Variants in CHRNA10 observed in about 807,000 individuals in gnomAD.
CHRNA10 encodes cholinergic receptor nicotinic alpha 10 subunit.
Under a neutral mutation model 36.0 loss-of-function variants are expected in CHRNA10, and 31 were observed. The ratio of observed to expected loss-of-function variants is 0.86; its 90% CI spans 0.65 to 1.16. The LOEUF is 1.16. Ranked by LOEUF, CHRNA10 falls within the 50% of genes most tolerant of loss-of-function variation. The probability of loss-of-function intolerance (pLI) is 0.00; values close to 1 mark genes in which losing one functional copy is unlikely to be tolerated. For missense variants in CHRNA10, 648 were observed against 640.9 expected (o/e 1.01, Z -0.12); for synonymous variants, 302 against 287.0 (o/e 1.05, Z -0.53).
Position 3,665,866 on chromosome 11 carries a change from T to C in CHRNA10, c.*241A>G, listed in dbSNP as rs149459290. 4.6e-3 allele frequency: 2,094 copies of C among 457,468 alleles called. 62 individuals carry two copies. In the East Asian group the frequency reaches 0.055, roughly 12 times the overall value. The allele number at this position is 457,468 out of a possible 1,614,324, so 28.3% of individuals were successfully genotyped here. A position where few individuals can be genotyped will look rare whatever the true frequency, so the allele number is the denominator to read the frequency against. On this transcript the variant is annotated 3_prime_UTR_variant, in exon 5 of 5. Coordinates refer to ENST00000250699, the MANE Select transcript of CHRNA10 (RefSeq NM_020402.4). ...CCCTCCAAGACTGTACTCTGTGATC[T>C]TGGCCTTTGTAGAGTTCCTCTTTTT... is the stretch of plus-strand genomic sequence containing the variant.
intron 3 of CHRNA10, chr11:3,668,703 A>G (rs1267630733): frequency 3.3e-5 from 5 of 153,232 alleles, no homozygotes; most frequent in Non-Finnish European, 5.8e-5. Flanking sequence ...CCTCTGCAGA[A>G]CCCAGAGGTA....
At chr11:3,667,177 C>T (rs1365685573) in intron 4 of CHRNA10, 55 bp downstream of exon 4, 13 of 1,479,066 alleles carry the variant, frequency 8.8e-6, no homozygotes, top group Middle Eastern at 4.8e-4. Flanking sequence ...GTCGCGGCCC[C>T]GCCCTGGGGG....
chr11:3,666,565 C>T lies in CHRNA10; in HGVS notation c.896-1G>A, dbSNP rs2077663929. 1 of 1,522,988 alleles carries T rather than the reference C, an allele frequency of 6.6e-7. No homozygotes were observed. The highest frequency in any genetic ancestry group is 2.2e-5 in the Admixed American group (1 of 45,786). 94.3% of individuals were successfully genotyped at this position (1,522,988 alleles called of 1,614,324 possible). On this transcript the variant is annotated splice_acceptor_variant, in intron 4 of 4. Transcript: ENST00000250699. LOFTEE classifies it high-confidence loss of function. ...GTCATAGTGGCCATGTAGTACTTCCCTGCAAGAGAGAGAGAAAGCCAATTG... is the reference window on the plus strand; with the variant it reads ...GTCATAGTGGCCATGTAGTACTTCCTTGCAAGAGAGAGAGAAAGCCAATTG...
chr11:3,668,028 C>G (rs995558326), intron 3 of CHRNA10, among the ~76,000 whole-genome samples: 1 of 152,276 alleles, frequency 6.6e-6, no homozygotes, highest in African/African-American at 2.4e-5. Flanking sequence ...CCAGAGGAAT[C>G]TGGAAACAGA....
Position 3,669,791 on chromosome 11 carries a change from C to T in CHRNA10, c.207+5G>A, listed in dbSNP as rs774482312. The T allele has an allele frequency of 1.4e-5, 22 of 1,614,192 alleles. 1 individual carries two copies. Among genetic ancestry groups the T allele is most frequent in the South Asian group, 3.3e-5 (3 of 91,078 alleles). On this transcript the variant is annotated splice_donor_5th_base_variant and intron_variant, in intron 2 of 4. Transcript: ENST00000250699. ...CTCCACAGCTGTACCACCACCACAA[C>T]GCACCATGTCGATGATCTGGGACAG...
intron 2 of CHRNA10, 126 bp from the exon 3 acceptor site, chr11:3,669,476 C>T (rs2077696354): frequency 8.4e-7 from 1 of 1,185,876 alleles, no homozygotes; most frequent in African/African-American, 1.5e-5. Context: ...CGTCCAGTTC[C>T]CACCCAGACC....
chr11:3,669,081 C>T, intron 3 of CHRNA10, 115 bp downstream of exon 3: 1 of 1,227,618 alleles, frequency 8.1e-7, no homozygotes, highest in South Asian at 1.5e-5. Flanking sequence ...GGAAAAGCTT[C>T]CAGGGCAGCG....
chr11:3,667,220 C>T lies in CHRNA10; in HGVS notation c.895+12G>A. 6.4e-7 allele frequency: 1 copy of T among 1,557,256 alleles called. No homozygotes were observed. The highest frequency in any genetic ancestry group is 8.6e-7 in the Non-Finnish European group (1 of 1,159,514). On this transcript the variant is annotated intron_variant, in intron 4 of 4. Coordinates refer to ENST00000250699, the MANE Select transcript of CHRNA10 (RefSeq NM_020402.4). ...GCGCATCGTCAGGTCCCCCCGCGCC[C>T]CCGCTGCTCACCGATGAGCGGCACG...
Position 3,667,544 on chromosome 11 carries a change from C to A in CHRNA10, c.583G>T (p.Asp195Tyr), listed in dbSNP as rs767210580. ...RPRGAAASLA[D>Y]FVENVEWRVL... is the part of the protein sequence containing the mutation. ...CGCCACTCCACGTTCTCCACGAAGT[C>A]CGCCAGGCTGGCTGCAGCGCCGCGC... The change falls in exon 4 of 5, where the codon GAC (aspartate) becomes TAC (tyrosine). Residue 195 changes from aspartate (D) to tyrosine (Y), a missense_variant. Transcript: ENST00000250699. The A allele has an allele frequency of 1.9e-6, 3 of 1,583,380 alleles. No individual in the cohort carries two copies. The African/African-American group carries it at 4.1e-5, about 21-fold the overall frequency.
Position 3,666,575 on chromosome 11 carries a change from G to C in CHRNA10, c.896-11C>G, listed in dbSNP as rs377072324. The C allele has an allele frequency of 1.7e-5, 26 of 1,516,544 alleles. No individual in the cohort carries two copies. The highest frequency in any genetic ancestry group is 2.3e-5 in the Non-Finnish European group (26 of 1,131,346). 93.9% of individuals were successfully genotyped at this position (1,516,544 alleles called of 1,614,324 possible). Reference sequence around the variant, plus strand: ...CCATGTAGTACTTCCCTGCAAGAGAGAGAGAAAGCCAATTGACTCAAAACA... The same window carrying C: ...CCATGTAGTACTTCCCTGCAAGAGACAGAGAAAGCCAATTGACTCAAAACA... On this transcript the variant is annotated splice_polypyrimidine_tract_variant and intron_variant, in intron 4 of 4. Transcript: ENST00000250699.
At chr11:3,671,114 A>G (rs1351868209) in intron 1 of CHRNA10, 138 bp downstream of exon 1, 8 of 905,520 alleles carry the variant, frequency 8.8e-6, no homozygotes, top group East Asian at 7.5e-5. Flanking sequence ...TCTCCTCCAC[A>G]CTCCCCAAAT....
intron 1 of CHRNA10, among the ~76,000 whole-genome samples, chr11:3,670,401 C>G (rs576385882): frequency 5.9e-5 from 9 of 152,268 alleles, no homozygotes; most frequent in Admixed American, 3.9e-4. Context: ...ACACACTTCC[C>G]CAGGCTTTAC....
At chr11:3,671,177 T>G in intron 1 of CHRNA10, 75 bp downstream of exon 1, 1 of 1,428,026 alleles carries the variant, frequency 7.0e-7, no homozygotes, top group Non-Finnish European at 9.9e-7. Context: ...AGAGACTACA[T>G]GGAAAGGGAT....
At chr11:3,666,632 C>G in intron 4 of CHRNA10, 68 bp from the exon 5 acceptor site, 2 of 1,235,682 alleles carry the variant, frequency 1.6e-6, no homozygotes, top group Non-Finnish European at 2.2e-6. Flanking sequence ...TCCCAGCCAC[C>G]TCTGCACAAA....
At chr11:3,670,898 G>A (rs1226763971) in intron 1 of CHRNA10, among the ~76,000 whole-genome samples, 3 of 152,076 alleles carry the variant, frequency 2.0e-5, no homozygotes, top group Admixed American at 6.5e-5. Flanking sequence ...CCAGGACCAC[G>A]CTTTTAAGCA....
Position 3,667,517 on chromosome 11 carries a change from C to A in CHRNA10, c.610G>T (p.Val204Leu). The change falls in exon 4 of 5, where the codon GTG becomes TTG. Residue 204 changes from valine (V) to leucine (L), a missense_variant. By Grantham distance (32) the Val-to-Leu change is conservative (BLOSUM62 1). Transcript: ENST00000250699. ...CGCCGCCGCGCCGGCATGCCCAGCA[C>A]GCGCCACTCCACGTTCTCCACGAAG... ...ADFVENVEWRVLGMPARRRVL... is the reference protein window; with the variant it reads ...ADFVENVEWRLLGMPARRRVL... The A allele has an allele frequency of 6.3e-7, 1 of 1,585,566 alleles. No individual in the cohort carries two copies. Among genetic ancestry groups the A allele is most frequent in the African/African-American group, 1.4e-5 (1 of 73,786 alleles).
In CHRNA10 at chr11:3,666,494, C is replaced by T; in HGVS notation, c.966G>A (p.Leu322=). ...GGCGGACACTGGGACCACAGTAATG[C>T]AGGTTCATGATAAGGATGGTGAGTG... ...STALTILIMN[L]HYCGPSVRPV... Residue 322 remains leucine (L), a synonymous_variant, in exon 5 of 5, where the codon CTG becomes CTA. Transcript: ENST00000250699. The T allele has an allele frequency of 6.2e-7, 1 of 1,606,374 alleles. No individual in the cohort carries two copies. The highest frequency in any genetic ancestry group is 8.5e-7 in the Non-Finnish European group (1 of 1,175,502).
rs1406274686 is a variant in CHRNA10 at position 3,669,179 on chromosome 11, G to T, written c.362+17C>A. 5 of 1,606,976 alleles carry T rather than the reference G, an allele frequency of 3.1e-6. No homozygotes were observed. The highest frequency in any genetic ancestry group is 4.2e-6 in the Non-Finnish European group (5 of 1,176,500). On this transcript the variant is annotated intron_variant, in intron 3 of 4. Coordinates refer to ENST00000250699, the MANE Select transcript of CHRNA10 (RefSeq NM_020402.4). ...TAGAGAGGGGTAAGAGAGAGGAGGG[G>T]CCCAGATAGGCAGTACTTGTTATAG...
At position 3,667,777 on chromosome 11, in the gene CHRNA10, G is replaced by A. The variant is rs1589930722; in HGVS notation, c.363-13C>T. The A allele has an allele frequency of 2.0e-6, 3 of 1,496,494 alleles. No homozygotes were observed. Among genetic ancestry groups the A allele is most frequent in the Non-Finnish European group, 2.7e-6 (3 of 1,130,574 alleles). 92.7% of individuals were successfully genotyped at this position (1,496,494 alleles called of 1,614,324 possible). On this transcript the variant is annotated splice_polypyrimidine_tract_variant and intron_variant, in intron 3 of 4. Coordinates refer to ENST00000250699, the MANE Select transcript of CHRNA10 (RefSeq NM_020402.4). ...CTGCGCGTCGGCTCTGGGGGCAGGC[G>A]GGGCAGGGCTCACCTAGGCTGTCCA...
Sources: gnomAD v4.1 joint callset for allele counts (sites outside exome capture counted in the v4.1 genomes callset) on GRCh38, gnomAD v4.1.1 for gene constraint, MANE v1.5 for transcripts, NCBI Gene and HGNC (gene_info 2026-07-23, HGNC 2026-07-21) for gene names.